The following LINGO2 variants were observed in gnomAD, a reference collection of about 807,000 sequenced individuals.
The protein encoded by LINGO2 is leucine rich repeat and Ig domain containing 2, also known as leucine-rich repeat and immunoglobulin-like domain-containing nogo receptor-interacting protein 2.
Under a neutral mutation model 30.6 loss-of-function variants are expected in LINGO2, and 14 were observed. The observed-to-expected ratio is 0.46, with a 90% confidence interval of 0.30 to 0.72. LINGO2 has a LOEUF of 0.72. Among genes scored for constraint, LINGO2 ranks in the 30% least tolerant of loss-of-function variants. The probability of loss-of-function intolerance (pLI) is 0.07; values close to 1 mark genes in which losing one functional copy is unlikely to be tolerated. For synonymous variants in LINGO2, 317 were observed against 288.5 expected (o/e 1.10, Z -1.00); for missense variants, 729 against 751.7 (o/e 0.97, Z 0.35).
the LINGO2 span, among the ~76,000 whole-genome samples, chr9:28,986,790 TAA>T: frequency 6.6e-6 from 1 of 152,010 alleles, no homozygotes; most frequent in East Asian, 1.9e-4. Context: ...TAATTTAGAA[TAA>T]AGTTTTGAAA....
rs150952653 is a variant in LINGO2 at position 28,569,004 on chromosome 9, A to C, written c.-364-92979T>G. 5.2e-3 allele frequency among the ~76,000 whole-genome samples: 797 copies of C among 152,204 alleles called. 14 individuals are homozygous for C. The highest frequency in any genetic ancestry group is 0.018 in the African/African-American group (748 of 41,580). On this transcript the variant is annotated intron_variant, in intron 1 of 5. Coordinates refer to ENST00000379992, the Ensembl canonical transcript of LINGO2. The stretch of plus-strand genomic sequence containing the variant: ...ACTGTAATAGAAATTTTTTCAATGA[A>C]TACATATAAAGGCAACAAGTGTATG...
the LINGO2 span, among the ~76,000 whole-genome samples, chr9:29,083,473 C>A: frequency 1.3e-5 from 2 of 152,048 alleles, no homozygotes; most frequent in African/African-American, 2.4e-5. Flanking sequence ...AGGAGATATA[C>A]CTAATTTAAA....
intron 4 of LINGO2, among the ~76,000 whole-genome samples, chr9:28,018,095 C>G (rs1362698241): frequency 6.6e-6 from 1 of 152,014 alleles, no homozygotes; most frequent in East Asian, 1.9e-4. Context: ...TCAACAAAAG[C>G]AAGCAATGGG....
chr9:27,980,882 C>G (rs1344709095), intron 5 of LINGO2, among the ~76,000 whole-genome samples: 1 of 151,788 alleles, frequency 6.6e-6, no homozygotes, highest in Non-Finnish European at 1.5e-5. Context: ...TGTTTAGTTT[C>G]TTATGTGACA....
At chr9:29,178,578 A>G in the LINGO2 span, among the ~76,000 whole-genome samples, 2 of 152,162 alleles carry the variant, frequency 1.3e-5, no homozygotes, top group African/African-American at 2.4e-5. Context: ...AAAAAAATCA[A>G]CAACAAAATG....
At chr9:28,958,768 T>A in the LINGO2 span, among the ~76,000 whole-genome samples, 1 of 149,800 alleles carries the variant, frequency 6.7e-6, no homozygotes, top group African/African-American at 2.5e-5. Context: ...GAGAGAAGAG[T>A]GTTGAGTTGA....
intron 5 of LINGO2, among the ~76,000 whole-genome samples, chr9:27,956,518 A>G (rs1302686021): frequency 6.6e-6 from 1 of 152,032 alleles, no homozygotes; most frequent in Non-Finnish European, 1.5e-5. Flanking sequence ...TGTTTTCTTC[A>G]TATTTCTTAA....
chr9:28,222,416 T>C (rs1335822161), intron 4 of LINGO2, among the ~76,000 whole-genome samples: 2 of 152,142 alleles, frequency 1.3e-5, no homozygotes, highest in Non-Finnish European at 2.9e-5. Flanking sequence ...AATGCATTTC[T>C]AACAAATAAC....
chr9:28,610,934 A>C lies in LINGO2; in HGVS notation c.-365+59266T>G, dbSNP rs116870528. Among the ~76,000 whole-genome samples the C allele has an allele frequency of 3.3e-4, 51 of 152,288 alleles. No homozygotes were observed. The East Asian group carries it at 9.7e-3, about 29-fold the overall frequency. On this transcript the variant is annotated intron_variant, in intron 1 of 5. Transcript: ENST00000379992. Reference sequence around the variant, plus strand: ...AATCTAAATTGTATTCTAATAATAAAAAACAATATTAAGAAAAACATGCCA... The same window carrying C: ...AATCTAAATTGTATTCTAATAATAACAAACAATATTAAGAAAAACATGCCA...
chr9:28,462,955 G>A (rs914893417), intron 2 of LINGO2, among the ~76,000 whole-genome samples: 11 of 152,124 alleles, frequency 7.2e-5, no homozygotes, highest in African/African-American at 2.4e-4. Context: ...GCAAGACAGT[G>A]TATGTCTGCA....
chr9:29,121,353 T>C, the LINGO2 span, among the ~76,000 whole-genome samples: 1 of 152,160 alleles, frequency 6.6e-6, no homozygotes, highest in East Asian at 1.9e-4. Context: ...GCAAATGCTA[T>C]ATTTTTAAGC....
At position 27,949,916 on chromosome 9, in the gene LINGO2, T is replaced by C. The variant is rs775885638; in HGVS notation, c.756A>G (p.Thr252=). The C allele has an allele frequency of 2.7e-5, 44 of 1,613,970 alleles. No homozygotes were observed. In the Admixed American group the frequency reaches 6.5e-4, roughly 24 times the overall value. The change falls in exon 6 of 6, where the codon ACA becomes ACG. Residue 252 remains threonine (T), a synonymous_variant. Coordinates refer to ENST00000379992, the Ensembl canonical transcript of LINGO2. ...GATTGGTGTTGGTGACTGAAAGGGA[T>C]GTGAGGTTGAGACCGTAGAGGCTAT...
chr9:28,116,982 G>A lies in LINGO2; in HGVS notation c.-86-104577C>T, dbSNP rs1246300086. Reference sequence around the variant, plus strand: ...ACTGCGTTCCTTTGGAGGAGGAGAGGCGCTCTGCGTTTTAGAGTTTCCAGT... The same window carrying A: ...ACTGCGTTCCTTTGGAGGAGGAGAGACGCTCTGCGTTTTAGAGTTTCCAGT... On this transcript the variant is annotated intron_variant, in intron 4 of 5. Coordinates refer to ENST00000379992, the Ensembl canonical transcript of LINGO2. Among the ~76,000 whole-genome samples the A allele has an allele frequency of 6.2e-4, 55 of 88,010 alleles. 1 individual carries two copies. The highest frequency in any genetic ancestry group is 2.3e-3 in the African/African-American group (54 of 23,844). The allele number at this position is 88,010 out of a possible 152,430, so 57.7% of individuals were successfully genotyped here.
chr9:28,105,624 G>C (rs1272733188), intron 4 of LINGO2, among the ~76,000 whole-genome samples: 3 of 152,060 alleles, frequency 2.0e-5, no homozygotes, highest in Admixed American at 6.6e-5. Context: ...CTGGGAGATG[G>C]GGTCTGTGGG....
At chr9:28,413,331 G>A (rs1361678017) in intron 2 of LINGO2, among the ~76,000 whole-genome samples, 2 of 152,092 alleles carry the variant, frequency 1.3e-5, no homozygotes, top group Non-Finnish European at 2.9e-5. Flanking sequence ...TTTGTGGTTG[G>A]GAAAGTGACT....
chr9:28,611,970 G>A (rs1045637654), intron 1 of LINGO2, among the ~76,000 whole-genome samples: 12 of 152,000 alleles, frequency 7.9e-5, no homozygotes, highest in Admixed American at 7.9e-4. Flanking sequence ...ACAGGTGCCA[G>A]CCACCATGCC....
At chr9:28,744,636 G>A in the LINGO2 span, among the ~76,000 whole-genome samples, 229 of 137,866 alleles carry the variant, frequency 1.7e-3, 1 homozygote, top group African/African-American at 6.4e-3. Flanking sequence ...GTGTGTGTGT[G>A]TGTATTTTTT....
intron 5 of LINGO2, among the ~76,000 whole-genome samples, chr9:27,954,528 C>T (rs1259608836): frequency 3.9e-5 from 6 of 152,150 alleles, no homozygotes; most frequent in Admixed American, 3.9e-4. Context: ...ACACTTTATA[C>T]TTTCTTTTTG....
the LINGO2 span, among the ~76,000 whole-genome samples, chr9:28,990,978 G>T: frequency 1.2e-4 from 19 of 152,204 alleles, no homozygotes; most frequent in African/African-American, 4.3e-4. Context: ...CCAAAGGAAC[G>T]CAGTTCCTCA....
Sources: allele counts gnomAD v4.1 joint callset (sites outside exome capture counted in the v4.1 genomes callset), GRCh38; gene constraint gnomAD v4.1.1; transcripts MANE v1.5; gene names NCBI Gene and HGNC (gene_info 2026-07-23, HGNC 2026-07-21).